Variants in PKNOX2 observed in about 807,000 individuals in gnomAD.
PKNOX2 encodes the protein homeobox protein PKNOX2.
Under a neutral mutation model 53.1 loss-of-function variants are expected in PKNOX2, and 14 were observed. The ratio of observed to expected loss-of-function variants is 0.26; its 90% confidence interval spans 0.17 to 0.41. The LOEUF (loss-of-function observed/expected upper bound fraction) is 0.41. Among genes scored for constraint, PKNOX2 ranks in the 10% least tolerant of loss-of-function variants. The pLI, the probability that PKNOX2 is intolerant of heterozygous loss-of-function variation, is 1.00. For synonymous variants in PKNOX2, 257 were observed against 242.8 expected (o/e 1.06, Z -0.54); for missense variants, 496 against 602.8 (o/e 0.82, Z 1.85).
intron 2 of PKNOX2, among the ~76,000 whole-genome samples, chr11:125,311,052 T>A (rs913636391): frequency 9.2e-5 from 14 of 152,148 alleles, no homozygotes; most frequent in Non-Finnish European, 4.4e-5. Flanking sequence ...GAAGGTGTTT[T>A]TAGACTCCAG....
chr11:125,387,026 C>T (rs1953686193), intron 6 of PKNOX2, among the ~76,000 whole-genome samples: 1 of 152,198 alleles, frequency 6.6e-6, no homozygotes, highest in South Asian at 2.1e-4. Flanking sequence ...CATCCTGGGG[C>T]ATCCGTTTCC....
rs150548119 is a variant in PKNOX2 at position 125,412,195 on chromosome 11, G to C, written c.936+330G>C. ...TGAACAGAGAGAGGGTCACTGCGGG[G>C]AGTGGGTGGTTTCTGGTCCAGAGCC... On this transcript the variant is annotated intron_variant, in intron 10 of 12. Coordinates refer to ENST00000298282, the MANE Select transcript of PKNOX2 (RefSeq NM_001382323.2). Among the ~76,000 whole-genome samples the C allele has an allele frequency of 3.2e-3, 489 of 152,346 alleles. 15 individuals are homozygous for C. The highest frequency in any genetic ancestry group is 3.1e-4 in the Non-Finnish European group (21 of 68,030).
chr11:125,226,936 C>A (rs905569908), intron 1 of PKNOX2, among the ~76,000 whole-genome samples: 1 of 152,008 alleles, frequency 6.6e-6, no homozygotes, highest in Non-Finnish European at 1.5e-5. Context: ...GGCTGGGAGG[C>A]TCTGGGTTCC....
intron 5 of PKNOX2, among the ~76,000 whole-genome samples, chr11:125,372,208 C>A (rs1365683226): frequency 6.6e-6 from 1 of 152,134 alleles, no homozygotes; most frequent in Non-Finnish European, 1.5e-5. Flanking sequence ...GGGAGCAGCT[C>A]CGATTCGTAG....
intron 2 of PKNOX2, among the ~76,000 whole-genome samples, chr11:125,300,444 C>T (rs1436684387): frequency 6.6e-6 from 1 of 152,186 alleles, no homozygotes; most frequent in African/African-American, 2.4e-5. Flanking sequence ...TAAGCAGCTT[C>T]CCACAGTTCT....
At chr11:125,290,364 TTTTG>T (rs1478647534) in intron 2 of PKNOX2, among the ~76,000 whole-genome samples, 1 of 152,194 alleles carries the variant, frequency 6.6e-6, no homozygotes, top group African/African-American at 2.4e-5. Flanking sequence ...GAAGCACACT[TTTTG>T]TTTATTTCTG....
At chr11:125,343,703 GGT>G (rs1950826517) in intron 3 of PKNOX2, among the ~76,000 whole-genome samples, 1 of 152,228 alleles carries the variant, frequency 6.6e-6, no homozygotes, top group African/African-American at 2.4e-5. Flanking sequence ...AGCCAGAAAA[GGT>G]GTGACAGCGA....
intron 11 of PKNOX2, among the ~76,000 whole-genome samples, chr11:125,429,674 T>G (rs1424245065): frequency 6.6e-6 from 1 of 152,180 alleles, no homozygotes; most frequent in Non-Finnish European, 1.5e-5. Context: ...CAGAGGTTAG[T>G]GCCTATGACT....
intron 1 of PKNOX2, among the ~76,000 whole-genome samples, chr11:125,194,630 C>T (rs919515504): frequency 6.6e-6 from 1 of 152,198 alleles, no homozygotes; most frequent in Non-Finnish European, 1.5e-5. Flanking sequence ...CAGAGGACCC[C>T]AAAGGCCCAC....
intron 7 of PKNOX2, among the ~76,000 whole-genome samples, chr11:125,405,166 C>A (rs912612603): frequency 6.6e-6 from 1 of 152,226 alleles, no homozygotes; most frequent in African/African-American, 2.4e-5. Context: ...ATGGCATGGG[C>A]TCTTTTACAG....
At chr11:125,267,703 TGTGTGTGTATGCAC>T (rs1162422260) in intron 2 of PKNOX2, among the ~76,000 whole-genome samples, 3 of 152,106 alleles carry the variant, frequency 2.0e-5, no homozygotes, top group Non-Finnish European at 4.4e-5. Context: ...GAAGCCTGTG[TGTGTGTGTATGCAC>T]GTGTGTGTGT....
chr11:125,262,006 G>A (rs1229198157), intron 2 of PKNOX2, among the ~76,000 whole-genome samples: 1 of 152,234 alleles, frequency 6.6e-6, no homozygotes, highest in Non-Finnish European at 1.5e-5. Context: ...CGGGGATGCA[G>A]AGCAGCCCTC....
At chr11:125,314,180 G>C (rs972026109) in intron 2 of PKNOX2, among the ~76,000 whole-genome samples, 8 of 152,192 alleles carry the variant, frequency 5.3e-5, no homozygotes, top group Non-Finnish European at 1.0e-4. Context: ...TCACCTTCCA[G>C]TTGGAGAATT....
chr11:125,351,391 A>G lies in PKNOX2; in HGVS notation c.86A>G (p.Gln29Arg), dbSNP rs1591538433. ...VPPPPYQDSPQMTATAQPPSK... is the reference protein window; with the variant it reads ...VPPPPYQDSPRMTATAQPPSK... ...CCCCCACCCTACCAGGACAGCCCAC[A>G]GGTGAGTGCGCAGGGGCCGCTGCCT... Residue 29 changes from glutamine to arginine, a missense_variant and splice_region_variant, in exon 4 of 13, where the codon CAG becomes CGG. Physicochemically the swap from Gln to Arg is conservative, Grantham distance 43 (BLOSUM62 1). This residue lies in a region of PKNOX2 where 168 missense variants were observed against 178.4 expected (regional missense o/e 0.94). Transcript: ENST00000298282. The G allele has an allele frequency of 6.3e-7, 1 of 1,596,240 alleles. No homozygotes were observed. The highest frequency in any genetic ancestry group is 8.6e-7 in the Non-Finnish European group (1 of 1,165,972).
intron 1 of PKNOX2, among the ~76,000 whole-genome samples, chr11:125,184,901 G>C (rs1956358267): frequency 6.6e-6 from 1 of 152,156 alleles, no homozygotes; most frequent in African/African-American, 2.4e-5. Context: ...AAACCACGAA[G>C]AAAGACATCA....
In PKNOX2 at chr11:125,426,993, C is replaced by T. The variant is rs571024435; in HGVS notation, c.937-2019C>T. Among the ~76,000 whole-genome samples, 10 of 152,296 alleles carry T rather than the reference C, an allele frequency of 6.6e-5. No individual in the cohort carries two copies. The South Asian group carries it at 1.0e-3, about 16-fold the overall frequency. ...AGCGCGCTCCAGAGGAGGGCCAGCA[C>T]GTGCGAAGGCATGGAGGCATGAAAG... On this transcript the variant is annotated intron_variant, in intron 10 of 12. Coordinates refer to ENST00000298282, the MANE Select transcript of PKNOX2 (RefSeq NM_001382323.2).
chr11:125,425,319 G>A (rs1052323146), intron 10 of PKNOX2, among the ~76,000 whole-genome samples: 8 of 152,230 alleles, frequency 5.3e-5, no homozygotes, highest in Non-Finnish European at 8.8e-5. Context: ...CTGCCCAGTC[G>A]TGTGAGGCTC....
chr11:125,373,317 G>A (rs548989052), intron 5 of PKNOX2, among the ~76,000 whole-genome samples: 1 of 152,340 alleles, frequency 6.6e-6, no homozygotes, highest in African/African-American at 2.4e-5. Context: ...AGAGGAGCCA[G>A]CATATGCTGC....
intron 1 of PKNOX2, among the ~76,000 whole-genome samples, chr11:125,223,453 C>G (rs539035010): frequency 6.6e-6 from 1 of 152,288 alleles, no homozygotes; most frequent in South Asian, 2.1e-4. Context: ...TGGTGTCAAA[C>G]TCCTGGACTC....
Sources: allele counts gnomAD v4.1 joint callset (sites outside exome capture counted in the v4.1 genomes callset), GRCh38; gene constraint gnomAD v4.1.1; regional missense constraint gnomAD v4.1.1; transcripts MANE v1.5; gene names NCBI Gene and HGNC (gene_info 2026-07-23, HGNC 2026-07-21).